BCKDHB: variants seen among roughly 807,000 people sequenced by gnomAD.
The protein encoded by BCKDHB is branched chain keto acid dehydrogenase E1 subunit beta.
Under a neutral mutation model 48.5 loss-of-function variants are expected in BCKDHB, and 41 were observed. That is an observed-to-expected ratio of 0.85 (90% CI 0.66 to 1.10). BCKDHB has a LOEUF of 1.10. Ranked by LOEUF, BCKDHB falls within the 50% of genes least tolerant of loss-of-function variation. The pLI is 0.00. For synonymous variants in BCKDHB, 201 were observed against 174.8 expected (o/e 1.15, Z -1.18); for missense variants, 496 against 494.2 (o/e 1.00, Z -0.03).
chr6:80,193,682 T>C (rs1411637179), intron 6 of BCKDHB, among the ~76,000 whole-genome samples: 3 of 146,918 alleles, frequency 2.0e-5, no homozygotes, highest in East Asian at 2.0e-4. Flanking sequence ...ACTGTGCCAC[T>C]GCACTCTAGC....
intron 8 of BCKDHB, among the ~76,000 whole-genome samples, chr6:80,247,165 A>G (rs1562172175): frequency 1.3e-5 from 2 of 152,238 alleles, no homozygotes; most frequent in Non-Finnish European, 2.9e-5. Flanking sequence ...GTGGGTTGCA[A>G]AACAATTGCT....
chr6:80,349,358 G>A (rs748804615), downstream of BCKDHB, among the ~76,000 whole-genome samples: 2 of 152,248 alleles, frequency 1.3e-5, no homozygotes, highest in East Asian at 1.9e-4. Context: ...GCCGGGCACC[G>A]GGCTAGATTC....
At chr6:80,158,851 A>G (rs1457553286) in intron 3 of BCKDHB, among the ~76,000 whole-genome samples, 1 of 152,224 alleles carries the variant, frequency 6.6e-6, no homozygotes, top group Non-Finnish European at 1.5e-5. Flanking sequence ...GGTGATCTTC[A>G]CAAATGGGTG....
intron 6 of BCKDHB, among the ~76,000 whole-genome samples, chr6:80,193,384 G>A (rs775046374): frequency 6.6e-6 from 1 of 151,818 alleles, no homozygotes; most frequent in Non-Finnish European, 1.5e-5. Context: ...AAACATTTAC[G>A]ACCTTAAAAT....
At chr6:80,373,955 C>A in the BCKDHB span, 2 of 517,370 alleles carry the variant, frequency 3.9e-6, no homozygotes, top group South Asian at 1.6e-5. Context: ...AATTCTCAAC[C>A]ATTCTGCCAT....
At chr6:80,392,495 GT>G in the BCKDHB span, among the ~76,000 whole-genome samples, 3 of 150,774 alleles carry the variant, frequency 2.0e-5, no homozygotes, top group African/African-American at 4.9e-5. Flanking sequence ...GTTTATTATG[GT>G]TTAAATTTGT....
intron 8 of BCKDHB, among the ~76,000 whole-genome samples, chr6:80,245,086 A>AT (rs55850685): frequency 0.9 from 135,175 of 149,880 alleles, 60,983 homozygotes; most frequent in East Asian, 0.98. Context: ...ATCTTCTGTG[A>AT]TTTTTTTTTT....
the BCKDHB span, among the ~76,000 whole-genome samples, chr6:80,400,950 A>G: frequency 3.4e-3 from 521 of 152,108 alleles, 1 homozygote; most frequent in Non-Finnish European, 6.0e-3. Flanking sequence ...TATCCTTAGC[A>G]AACTAATGCA....
At chr6:80,421,169 T>G in the BCKDHB span, among the ~76,000 whole-genome samples, 111 of 152,204 alleles carry the variant, frequency 7.3e-4, 1 homozygote, top group East Asian at 0.016. Context: ...GATAGAGAGT[T>G]CTCATGGATC....
chr6:80,128,447 T>A (rs764767992), intron 2 of BCKDHB, among the ~76,000 whole-genome samples: 6 of 152,152 alleles, frequency 3.9e-5, no homozygotes, highest in Non-Finnish European at 7.4e-5. Flanking sequence ...TTTATGAGAC[T>A]AGCATTCAGC....
chr6:80,116,025 A>G (rs1335004142), intron 1 of BCKDHB, among the ~76,000 whole-genome samples: 2 of 152,172 alleles, frequency 1.3e-5, no homozygotes, highest in Non-Finnish European at 2.9e-5. Context: ...AGTAGTCCCT[A>G]ATTTTCTGTA....
At chr6:80,146,590 A>G (rs1484125950) in intron 3 of BCKDHB, among the ~76,000 whole-genome samples, 2 of 152,132 alleles carry the variant, frequency 1.3e-5, no homozygotes, top group Non-Finnish European at 2.9e-5. Flanking sequence ...GCTGGAAGGT[A>G]AAGGACTTAG....
At chr6:80,187,541 C>T (rs1773700218) in intron 6 of BCKDHB, among the ~76,000 whole-genome samples, 2 of 152,010 alleles carry the variant, frequency 1.3e-5, no homozygotes, top group Admixed American at 1.3e-4. Context: ...AGTAAACAGG[C>T]AACCTATAGA....
At chr6:80,190,030 T>C (rs1773820141) in intron 6 of BCKDHB, among the ~76,000 whole-genome samples, 1 of 152,192 alleles carries the variant, frequency 6.6e-6, no homozygotes, top group Non-Finnish European at 1.5e-5. Context: ...AAGGAATTTA[T>C]GTTCAAGAAA....
the BCKDHB span, among the ~76,000 whole-genome samples, chr6:80,376,923 C>G: frequency 6.6e-6 from 1 of 151,876 alleles, no homozygotes; most frequent in African/African-American, 2.4e-5. Flanking sequence ...AGTTGTAGTT[C>G]TTTGTATATT....
chr6:80,316,298 T>C lies in BCKDHB; in HGVS notation c.1039-27366T>C, dbSNP rs138488408. Among the ~76,000 whole-genome samples the C allele has an allele frequency of 1.7e-3, 256 of 152,372 alleles. 4 individuals carry two copies. The highest frequency in any genetic ancestry group is 0.015 in the East Asian group (80 of 5,188). On this transcript the variant is annotated intron_variant, in intron 9 of 9. Transcript: ENST00000320393. Reference sequence around the variant, plus strand: ...TGTTTTAGATTTCCTTGAATCATAATGATTTTGTTTGCGTATGAAAAGTAA... The same window carrying C: ...TGTTTTAGATTTCCTTGAATCATAACGATTTTGTTTGCGTATGAAAAGTAA...
chr6:80,250,061 T>C (rs920167264), intron 8 of BCKDHB, among the ~76,000 whole-genome samples: 1 of 152,202 alleles, frequency 6.6e-6, no homozygotes, highest in Non-Finnish European at 1.5e-5. Context: ...TACACAGTGG[T>C]GTAGAGTGTG....
chr6:80,438,907 T>C, the BCKDHB span, among the ~76,000 whole-genome samples: 1 of 152,122 alleles, frequency 6.6e-6, no homozygotes, highest in East Asian at 1.9e-4. Flanking sequence ...CTCAGATGGG[T>C]GGGACAGATC....
chr6:80,304,026 AG>A (rs1394930845), intron 9 of BCKDHB, among the ~76,000 whole-genome samples: 3 of 152,152 alleles, frequency 2.0e-5, no homozygotes, highest in African/African-American at 7.2e-5. Flanking sequence ...AGAAAGAAAT[AG>A]GGTTTAGGAA....
Sources: gnomAD v4.1 joint callset for allele counts (sites outside exome capture counted in the v4.1 genomes callset) on GRCh38, gnomAD v4.1.1 for gene constraint, MANE v1.5 for transcripts, NCBI Gene and HGNC (gene_info 2026-07-23, HGNC 2026-07-21) for gene names.